The following EPB41L2 variants were observed in gnomAD, a reference collection of about 807,000 sequenced individuals.
EPB41L2 encodes the protein erythrocyte membrane protein band 4.1 like 2, also known as band 4.1-like protein 2.
A neutral mutation model predicts 113.0 loss-of-function variants in EPB41L2; 43 were observed. The observed-to-expected ratio is 0.38, with a 90% CI of 0.30 to 0.49. The LOEUF (loss-of-function observed/expected upper bound fraction) is 0.49. Ranked by LOEUF, EPB41L2 falls within the 20% of genes least tolerant of loss-of-function variation. The probability of loss-of-function intolerance (pLI) is 0.95; values close to 1 mark genes in which losing one functional copy is unlikely to be tolerated. For missense variants in EPB41L2, 1,147 were observed against 1,223.4 expected (o/e 0.94, Z 0.93); for synonymous variants, 442 against 436.7 (o/e 1.01, Z -0.15).
Position 130,938,673 on chromosome 6 carries a change from C to G in EPB41L2, c.706-11964G>C, listed in dbSNP as rs948216110. Among the ~76,000 whole-genome samples the G allele has an allele frequency of 5.3e-5, 8 of 152,244 alleles. No individual in the cohort carries two copies. In the East Asian group the frequency reaches 1.5e-3, roughly 29 times the overall value. On this transcript the variant is annotated intron_variant, in intron 3 of 19. Coordinates refer to ENST00000337057, the MANE Select transcript of EPB41L2 (RefSeq NM_001431.4). ...TCCAGCCCTCTAGCCTCCTCCCACC[C>G]CAAAATGCCTTTATTTTTTTACTTC...
At chr6:130,888,465 G>A (rs1791754334) in intron 11 of EPB41L2, among the ~76,000 whole-genome samples, 1 of 152,144 alleles carries the variant, frequency 6.6e-6, no homozygotes, top group African/African-American at 2.4e-5. Context: ...ATACAAGATG[G>A]TGGATTTCCT....
intron 19 of EPB41L2, among the ~76,000 whole-genome samples, chr6:130,853,198 G>A (rs568781612): frequency 6.6e-6 from 1 of 152,302 alleles, no homozygotes; most frequent in African/African-American, 2.4e-5. Flanking sequence ...CCACTCCTCT[G>A]TCGTTTCATC....
chr6:130,976,696 C>T (rs141181228), intron 1 of EPB41L2, among the ~76,000 whole-genome samples: 2 of 152,330 alleles, frequency 1.3e-5, no homozygotes, highest in Admixed American at 1.3e-4. Flanking sequence ...CTTAACAAAT[C>T]CTTCTTGTCT....
At chr6:131,006,522 T>C (rs1010265814) in intron 1 of EPB41L2, among the ~76,000 whole-genome samples, 1 of 151,398 alleles carries the variant, frequency 6.6e-6, no homozygotes, top group African/African-American at 2.4e-5. Context: ...ACAAAAAATT[T>C]AGCCAAGTGT....
chr6:131,018,733 A>C (rs1788794292), intron 1 of EPB41L2, among the ~76,000 whole-genome samples: 1 of 152,178 alleles, frequency 6.6e-6, no homozygotes, highest in Non-Finnish European at 1.5e-5. Context: ...TGAAGTAGGG[A>C]ATGAATTTTT....
intron 1 of EPB41L2, among the ~76,000 whole-genome samples, chr6:131,010,669 T>C (rs1450742707): frequency 6.6e-6 from 1 of 152,100 alleles, no homozygotes; most frequent in Admixed American, 6.6e-5. Context: ...CACCTCAGCC[T>C]CCCAATGTGC....
chr6:130,995,606 A>C (rs1005045868), intron 1 of EPB41L2, among the ~76,000 whole-genome samples: 1 of 152,234 alleles, frequency 6.6e-6, no homozygotes, highest in Non-Finnish European at 1.5e-5. Context: ...CAGGTCTTCA[A>C]CCTTGGCAAA....
chr6:130,954,040 CTTTT>C (rs780758511), intron 3 of EPB41L2, among the ~76,000 whole-genome samples: 70 of 58,870 alleles, frequency 1.2e-3, no homozygotes, highest in South Asian at 7.4e-3. Flanking sequence ...CCTTTTCTTT[CTTTT>C]TTTTTTTTTT....
At chr6:130,929,102 C>T (rs1384591988) in intron 3 of EPB41L2, among the ~76,000 whole-genome samples, 1 of 152,168 alleles carries the variant, frequency 6.6e-6, no homozygotes, top group East Asian at 1.9e-4. Context: ...CTTCCATCTG[C>T]CTCTCCACCC....
intron 1 of EPB41L2, among the ~76,000 whole-genome samples, chr6:130,979,180 T>A (rs1342460650): frequency 6.6e-6 from 1 of 152,060 alleles, no homozygotes; most frequent in Admixed American, 6.6e-5. Context: ...TGAGACCAAC[T>A]GACACAATGA....
intron 1 of EPB41L2, among the ~76,000 whole-genome samples, chr6:130,991,564 G>A (rs928923541): frequency 9.2e-5 from 14 of 152,218 alleles, no homozygotes; most frequent in East Asian, 1.9e-4. Context: ...AAACACATTC[G>A]TTAAAACAGC....
chr6:131,010,983 C>T (rs1230195441), intron 1 of EPB41L2, among the ~76,000 whole-genome samples: 1 of 152,190 alleles, frequency 6.6e-6, no homozygotes, highest in African/African-American at 2.4e-5. Context: ...CAAGAGCCTC[C>T]TCAGCACCCT....
intron 3 of EPB41L2, among the ~76,000 whole-genome samples, chr6:130,950,812 C>T (rs1349012199): frequency 2.6e-5 from 4 of 152,118 alleles, no homozygotes; most frequent in African/African-American, 9.7e-5. Flanking sequence ...ACCAAGTTTA[C>T]ATTAGAAATT....
At chr6:131,054,729 C>CA (rs938272290) in intron 1 of EPB41L2, among the ~76,000 whole-genome samples, 3 of 151,990 alleles carry the variant, frequency 2.0e-5, no homozygotes, top group Non-Finnish European at 4.4e-5. Context: ...ATGGAAATAA[C>CA]AAAAAAACAA....
chr6:130,880,459 C>T, intron 12 of EPB41L2: 1 of 654,444 alleles, frequency 1.5e-6, no homozygotes, highest in Non-Finnish European at 2.7e-6. Flanking sequence ...GCCACCTCTT[C>T]CAGCTGCGTT....
At chr6:130,966,552 T>A (rs1775250866) in intron 1 of EPB41L2, among the ~76,000 whole-genome samples, 1 of 151,882 alleles carries the variant, frequency 6.6e-6, no homozygotes, top group Non-Finnish European at 1.5e-5. Context: ...TTTAAATGAG[T>A]AAAGAAACTG....
chr6:130,948,550 C>T (rs930349541), intron 3 of EPB41L2, among the ~76,000 whole-genome samples: 13 of 151,898 alleles, frequency 8.6e-5, no homozygotes, highest in African/African-American at 3.1e-4. Context: ...ATAGACAATC[C>T]AAAATTAAAT....
chr6:130,907,315 T>C (rs1020402709), intron 5 of EPB41L2, among the ~76,000 whole-genome samples: 1 of 152,248 alleles, frequency 6.6e-6, no homozygotes, highest in African/African-American at 2.4e-5. Context: ...GCTCTGGTAC[T>C]GTTTCTTCCA....
At chr6:130,979,465 A>G (rs1778875119) in intron 1 of EPB41L2, among the ~76,000 whole-genome samples, 1 of 147,198 alleles carries the variant, frequency 6.8e-6, no homozygotes, top group African/African-American at 2.5e-5. Flanking sequence ...ACTGCACTCC[A>G]GCCTGGATGA....
Sources: allele counts gnomAD v4.1 joint callset (sites outside exome capture counted in the v4.1 genomes callset), GRCh38; gene constraint gnomAD v4.1.1; transcripts MANE v1.5; gene names NCBI Gene and HGNC (gene_info 2026-07-23, HGNC 2026-07-21).